The following UBR4 variants were observed in gnomAD, a reference collection of about 807,000 sequenced individuals.
UBR4 encodes ubiquitin protein ligase E3 component n-recognin 4, also known as E3 ubiquitin-protein ligase UBR4.
UBR4 carries 124 observed loss-of-function variants against 575.6 expected under a neutral mutation model. The observed-to-expected ratio is 0.22, with a 90% CI of 0.19 to 0.25. The LOEUF (loss-of-function observed/expected upper bound fraction) is 0.25, where lower values mean the gene tolerates loss of function less well. UBR4 is among the 10% of genes least tolerant of loss of function. The pLI is 1.00. For missense variants in UBR4, 4,818 were observed against 6,478.8 expected, an observed-to-expected ratio of 0.74 and a Z score of 8.80; for synonymous variants, 2,455 against 2,473.7, an observed-to-expected ratio of 0.99 and a Z score of 0.22.
Position 19,210,095 on chromosome 1 carries a change from G to T in UBR4, c.154C>A (p.Leu52Met). ...SAFEMKELPQ[L>M]VASVIESESE... ...TACCTCTCGATGACTGAGGCCACCA[G>T]CTGCGGCAACTCCTTCATCTCGAAG... The change falls in exon 1 of 106, where the codon CTG (leucine) becomes ATG (methionine). Residue 52 changes from leucine to methionine, a missense_variant. This residue lies in a region of UBR4 where 95 missense variants were observed against 87.7 expected (regional missense o/e 1.08). Transcript: ENST00000375254. 1.3e-6 allele frequency: 2 copies of T among 1,578,142 alleles called. 1 individual carries two copies. The highest frequency in any genetic ancestry group is 2.3e-5 in the South Asian group (2 of 87,310).
Position 19,097,106 on chromosome 1 carries a change from A to T in UBR4, c.13390+87T>A, listed in dbSNP as rs1475173516. On this transcript the variant is annotated intron_variant, in intron 91 of 105. Coordinates refer to ENST00000375254, the MANE Select transcript of UBR4 (RefSeq NM_020765.3). ...ATTCTGATGCAGAGGTACAAGAGAG[A>T]AGCAACTGAGAATGCCCCTAAGTCC... The T allele has an allele frequency of 6.4e-6, 7 of 1,095,478 alleles. No homozygotes were observed. The African/African-American group carries it at 1.1e-4, about 18-fold the overall frequency. 67.9% of individuals were successfully genotyped at this position (1,095,478 alleles called of 1,614,324 possible). A position where few individuals can be genotyped will look rare whatever the true frequency, so the allele number is the denominator to read the frequency against.
chr1:19,136,947 GTC>G (rs989352782), intron 60 of UBR4, among the ~76,000 whole-genome samples: 1 of 152,038 alleles, frequency 6.6e-6, no homozygotes, highest in South Asian at 2.1e-4. Flanking sequence ...CCCTTTAAAT[GTC>G]TCTGATGCCT....
In UBR4 at chr1:19,127,681, C is replaced by T; in HGVS notation, c.9170G>A (p.Arg3057Lys). 1 of 1,614,178 alleles carries T rather than the reference C, an allele frequency of 6.2e-7. No homozygotes were observed. The highest frequency in any genetic ancestry group is 1.1e-5 in the South Asian group (1 of 91,084). The change falls in exon 63 of 106, where the codon AGA becomes AAA. Residue 3057 changes from arginine to lysine, a missense_variant. Coordinates refer to ENST00000375254, the MANE Select transcript of UBR4 (RefSeq NM_020765.3). Reference sequence around the variant, plus strand: ...GCGGGACATGAAGACACTCAGGAGTCTCATTACTACCAGATGGACTTCATT... The same window carrying T: ...GCGGGACATGAAGACACTCAGGAGTTTCATTACTACCAGATGGACTTCATT... Reference protein sequence around the residue: ...ALNEVHLVVMRLLSVFMSRTK... With the variant: ...ALNEVHLVVMKLLSVFMSRTK...
At chr1:19,154,593 T>A (rs2086192328) in intron 44 of UBR4, among the ~76,000 whole-genome samples, 1 of 152,098 alleles carries the variant, frequency 6.6e-6, no homozygotes, top group African/African-American at 2.4e-5. Context: ...GCAGAATGAG[T>A]GTCTAAGAGA....
chr1:19,135,263 C>A (rs1212264528), intron 60 of UBR4, among the ~76,000 whole-genome samples: 1 of 152,178 alleles, frequency 6.6e-6, no homozygotes, highest in Admixed American at 6.5e-5. Context: ...GCCCATTCCA[C>A]TAATCTATTT....
rs761830235 is a variant in UBR4, at chr1:19,153,493, T to C, written c.6640A>G (p.Met2214Val). The part of the protein sequence containing the change: ...TLPAKAKIQD[M>V]VAIRHTACNE... ...CAGGCCGTGTGCCTAATAGCAACCA[T>C]GTCTTGGATCTAGGAGGAGAGGACA... Residue 2214 changes from methionine to valine, a missense_variant, in exon 46 of 106, where the codon ATG becomes GTG. Met to Val is a conservative substitution (Grantham distance 21, BLOSUM62 1). Transcript: ENST00000375254. The surrounding 1 kb of genome is among the most constrained non-coding windows in gnomAD (Gnocchi z 4.1). The C allele has an allele frequency of 2.5e-6, 4 of 1,613,908 alleles. No individual in the cohort carries two copies. The highest frequency in any genetic ancestry group is 1.1e-5 in the South Asian group (1 of 91,084).
rs180851570 is a variant in UBR4 at position 19,154,996 on chromosome 1, C to A, written c.6380G>T (p.Cys2127Phe). The change falls in exon 44 of 106, where the codon TGT becomes TTT. Residue 2127 changes from cysteine to phenylalanine, a missense_variant. Around this residue, in one of 29 missense-constraint regions of UBR4, gnomAD observed 461 missense variants for 606.9 expected, o/e 0.76. Transcript: ENST00000375254. Reference protein sequence around the residue: ...HVLQMLFFSYCQGKSFAATIS... With the variant: ...HVLQMLFFSYFQGKSFAATIS... ...GGTGGCTGCGAATGATTTGCCTTGA[C>A]AATAGCTGAAGAACAACATCTGCAA... The A allele has an allele frequency of 6.2e-7, 1 of 1,614,186 alleles. No homozygotes were observed. The highest frequency in any genetic ancestry group is 2.2e-5 in the East Asian group (1 of 44,886).
rs560632669 is a variant in UBR4 at position 19,187,097 on chromosome 1, C to T, written c.1632+67G>A. 2,018 of 713,124 alleles carry T rather than the reference C, an allele frequency of 2.8e-3. 26 individuals are homozygous for T. The African/African-American group carries it at 0.037, about 13-fold the overall frequency. The allele number at this position is 713,124 out of a possible 1,614,324, so 44.2% of individuals were successfully genotyped here. ...AGTTTTATATATATATATATATATACATATATATATCATATATATAAAATG... is the reference window on the plus strand; with the variant it reads ...AGTTTTATATATATATATATATATATATATATATATCATATATATAAAATG... On this transcript the variant is annotated intron_variant, in intron 13 of 105. Coordinates refer to ENST00000375254, the MANE Select transcript of UBR4 (RefSeq NM_020765.3).
intron 14 of UBR4, among the ~76,000 whole-genome samples, chr1:19,186,043 A>T (rs1034495407): frequency 1.3e-5 from 2 of 152,248 alleles, no homozygotes; most frequent in African/African-American, 4.8e-5. Context: ...AAACCTGATT[A>T]TGAAAGAATC....
intron 55 of UBR4, among the ~76,000 whole-genome samples, chr1:19,142,547 G>T (rs2084070777): frequency 6.6e-6 from 1 of 152,190 alleles, no homozygotes. Flanking sequence ...GATATGCAAG[G>T]AAGATTTTCT....
rs2076995870 is a variant in UBR4 at position 19,086,201 on chromosome 1, G to A, written c.14757C>T (p.Leu4919=). The A allele has an allele frequency of 3.1e-6, 5 of 1,614,116 alleles. No homozygotes were observed. Among genetic ancestry groups the A allele is most frequent in the Non-Finnish European group, 4.2e-6 (5 of 1,180,034 alleles). ...LQNANTKCNG[L]LPVWGPHVPE... is the part of the protein sequence containing the mutation. ...GGACATGAGGTCCCCAGACCGGAAG[G>A]AGCCCGTTGCACTTGGTGTTGGCAT... Residue 4919 remains leucine, a synonymous_variant, in exon 101 of 106, where the codon CTC becomes CTT. Coordinates refer to ENST00000375254, the MANE Select transcript of UBR4 (RefSeq NM_020765.3).
rs746679875 is a variant in UBR4, at chr1:19,173,535, T to G, written c.3069A>C (p.Leu1023=). The G allele has an allele frequency of 6.2e-7, 1 of 1,614,142 alleles. No individual in the cohort carries two copies. Among genetic ancestry groups the G allele is most frequent in the East Asian group, 2.2e-5 (1 of 44,870 alleles). Residue 1023 remains leucine, a synonymous_variant, in exon 23 of 106, where the codon CTA becomes CTC. Coordinates refer to ENST00000375254, the MANE Select transcript of UBR4 (RefSeq NM_020765.3). ...LPPSKTYINQ[L]SMNSPEMSEC... is the part of the protein sequence containing the mutation. ...CGCTCATCTCAGGTGAGTTCATGGA[T>G]AGCTGGTTAATGTAAGTCTTTGATG...
chr1:19,127,411 T>C (rs543941194), intron 63 of UBR4, among the ~76,000 whole-genome samples: 1 of 152,264 alleles, frequency 6.6e-6, no homozygotes, highest in African/African-American at 2.4e-5. Flanking sequence ...TACCCCTCCA[T>C]TGGAGGGATT....
Position 19,182,479 on chromosome 1 carries a change from G to A in UBR4, c.2184+1332C>T, listed in dbSNP as rs115675940. On this transcript the variant is annotated intron_variant, in intron 17 of 105. Coordinates refer to ENST00000375254, the MANE Select transcript of UBR4 (RefSeq NM_020765.3). ...GTGATCCTCTTGCCTCGCCTCCCGA[G>A]TAGCTGAGACTACAGGCACGTGCCA... Among the ~76,000 whole-genome samples, 122 of 152,124 alleles carry A rather than the reference G, an allele frequency of 8.0e-4. 1 individual carries two copies. The highest frequency in any genetic ancestry group is 2.6e-3 in the African/African-American group (109 of 41,498).
intron 60 of UBR4, among the ~76,000 whole-genome samples, chr1:19,129,582 A>G (rs1302045666): frequency 6.6e-6 from 1 of 151,984 alleles, no homozygotes; most frequent in Non-Finnish European, 1.5e-5. Flanking sequence ...ACTCTCTCAC[A>G]CCTTGTCCAC....
At chr1:19,112,431 G>A in intron 78 of UBR4, 93 bp downstream of exon 78, 1 of 1,401,908 alleles carries the variant, frequency 7.1e-7, no homozygotes, top group Non-Finnish European at 9.7e-7. Flanking sequence ...TGGGTGGTCA[G>A]AAGCACTATT....
At chr1:19,143,183 AAG>A (rs1211308767) in intron 55 of UBR4, among the ~76,000 whole-genome samples, 1 of 149,568 alleles carries the variant, frequency 6.7e-6, no homozygotes, top group East Asian at 2.0e-4. Flanking sequence ...AGGAAGAAAA[AAG>A]AAAGAAAGGA....
intron 8 of UBR4, among the ~76,000 whole-genome samples, chr1:19,193,934 C>G (rs915512776): frequency 2.6e-5 from 4 of 152,092 alleles, no homozygotes; most frequent in African/African-American, 9.7e-5. Flanking sequence ...GAGAAAGAAG[C>G]CAATCTGAAA....
chr1:19,198,493 T>A (rs1406504243), intron 5 of UBR4, 48 bp downstream of exon 5: 2 of 1,590,038 alleles, frequency 1.3e-6, no homozygotes, highest in East Asian at 4.5e-5. Flanking sequence ...AGTGTTATCA[T>A]CTTAACAAAA....
Sources: gnomAD v4.1 joint callset for allele counts (sites outside exome capture counted in the v4.1 genomes callset) on GRCh38, gnomAD v4.1.1 for gene constraint, gnomAD v4.1.1 regional missense constraint, Gnocchi (gnomAD v3.1) non-coding constraint, MANE v1.5 for transcripts, NCBI Gene and HGNC (gene_info 2026-07-23, HGNC 2026-07-21) for gene names.